Variants in OGDHL observed in about 807,000 individuals in gnomAD.
OGDHL encodes 2-oxoglutarate dehydrogenase-like, mitochondrial.
OGDHL carries 79 observed loss-of-function variants against 109.6 expected under a neutral mutation model. The ratio of observed to expected loss-of-function variants is 0.72; its 90% CI spans 0.60 to 0.87. The LOEUF (loss-of-function observed/expected upper bound fraction) is 0.87. Among genes scored for constraint, OGDHL ranks in the 40% least tolerant of loss-of-function variants. The pLI is 0.00. For missense variants in OGDHL, 1,275 were observed against 1,362.2 expected (o/e 0.94, Z 1.01); for synonymous variants, 528 against 537.2 (o/e 0.98, Z 0.24).
intron 15 of OGDHL, 72 bp from the exon 16 acceptor site, chr10:49,740,909 C>G (rs1841605800): frequency 1.3e-6 from 2 of 1,588,918 alleles, no homozygotes; most frequent in Non-Finnish European, 1.7e-6. Context: ...AGCAGGGGAG[C>G]TGGGCAGCAG....
At chr10:49,758,350 C>G in intron 2 of OGDHL, 39 bp downstream of exon 2, 1 of 1,571,622 alleles carries the variant, frequency 6.4e-7, no homozygotes, top group Non-Finnish European at 8.7e-7. Context: ...GAGGGCTTCC[C>G]TCCCTTGCGG....
In OGDHL at chr10:49,734,945, A is replaced by AC. The variant is rs2132921429; in HGVS notation, c.*282dup. 1 of 258,306 alleles carries AC rather than the reference A, an allele frequency of 3.9e-6. No individual in the cohort carries two copies. Among genetic ancestry groups the AC allele is most frequent in the East Asian group, 8.1e-5 (1 of 12,344 alleles). 16.0% of individuals were successfully genotyped at this position (258,306 alleles called of 1,614,324 possible). ...GGCCCCCGGGTGTCTGTCTTGAGATACAGGTGGAGAAGCCGCCCAAGAAAT... is the reference window on the plus strand; with the variant it reads ...GGCCCCCGGGTGTCTGTCTTGAGATACCAGGTGGAGAAGCCGCCCAAGAAAT... On this transcript the variant is annotated 3_prime_UTR_variant, in exon 23 of 23. Coordinates refer to ENST00000374103, the MANE Select transcript of OGDHL (RefSeq NM_018245.3).
At chr10:49,739,917 A>T (rs749136028) in intron 16 of OGDHL, 78 bp from the exon 17 acceptor site, 4 of 1,447,758 alleles carry the variant, frequency 2.8e-6, no homozygotes, top group Non-Finnish European at 2.8e-6. Context: ...AGCCTTTCTC[A>T]GTATATCCTC....
chr10:49,744,045 T>A lies in OGDHL; in HGVS notation c.1810A>T (p.Ile604Phe). The A allele has an allele frequency of 6.2e-7, 1 of 1,614,108 alleles. No homozygotes were observed. Among genetic ancestry groups the A allele is most frequent in the Non-Finnish European group, 8.5e-7 (1 of 1,179,972 alleles). The change falls in exon 14 of 23, where the codon ATC (isoleucine) becomes TTC (phenylalanine). Residue 604 changes from isoleucine (I) to phenylalanine (F), a missense_variant. By Grantham distance (21) the Ile-to-Phe change is conservative (BLOSUM62 0). Transcript: ENST00000374103. ...TGIPEDMLTH[I>F]GSVASSVPLE... Reference sequence around the variant, plus strand: ...GGCACAGAGCTGGCCACACTGCCGATGTGGGTGAGCATGTCCTCAGGGATC... The same window carrying A: ...GGCACAGAGCTGGCCACACTGCCGAAGTGGGTGAGCATGTCCTCAGGGATC...
chr10:49,756,849 A>C lies in OGDHL; in HGVS notation c.302T>G (p.Val101Gly), dbSNP rs761723504. 4.3e-6 allele frequency: 7 copies of C among 1,614,058 alleles called. No individual in the cohort carries two copies. The highest frequency in any genetic ancestry group is 1.3e-5 in the African/African-American group (1 of 75,050). Residue 101 changes from valine to glycine, a missense_variant, in exon 3 of 23, where the codon GTC (valine) becomes GGC (glycine). By Grantham distance (109) the Val-to-Gly change is moderately radical. Transcript: ENST00000374103. ...TTTGCTGGTCTTGGTCCGACTTGAG[A>C]CTGCAGACCTGCTCTCATGGACAAC... ...PSVVHESRSAVSSRTKTSKLV... is the reference protein window; with the variant it reads ...PSVVHESRSAGSSRTKTSKLV...
At position 49,735,408 on chromosome 10, in the gene OGDHL, T is replaced by C. The variant is rs1278615770; in HGVS notation, c.2910-57A>G. ...CGGGGCCTAGCCGCCCCCCAACCGC[T>C]GCCCTCACTCCGGGACTGCAGGGGG... is the stretch of plus-strand genomic sequence containing the variant. On this transcript the variant is annotated intron_variant, in intron 22 of 22. Transcript: ENST00000374103. The C allele has an allele frequency of 1.4e-5, 22 of 1,587,710 alleles. No homozygotes were observed. The South Asian group carries it at 2.6e-4, about 18-fold the overall frequency.
At chr10:49,751,525 A>G (rs1842587292) in intron 6 of OGDHL, among the ~76,000 whole-genome samples, 1 of 152,170 alleles carries the variant, frequency 6.6e-6, no homozygotes, top group South Asian at 2.1e-4. Flanking sequence ...CACACCAGGG[A>G]TAATTTTCTG....
chr10:49,739,533 C>T, intron 17 of OGDHL, 128 bp downstream of exon 17: 3 of 1,168,598 alleles, frequency 2.6e-6, no homozygotes, highest in South Asian at 1.6e-5. Flanking sequence ...CCACCCTGCA[C>T]AGACCCACGT....
intron 10 of OGDHL, among the ~76,000 whole-genome samples, chr10:49,746,233 A>T (rs1327209693): frequency 6.6e-6 from 1 of 152,214 alleles, no homozygotes; most frequent in Non-Finnish European, 1.5e-5. Context: ...AGTGAGGAAC[A>T]TAGGCCTGGA....
chr10:49,754,476 C>G (rs1007295475), intron 3 of OGDHL, among the ~76,000 whole-genome samples: 3 of 152,184 alleles, frequency 2.0e-5, no homozygotes, highest in Admixed American at 1.3e-4. Flanking sequence ...CTTTCCTACA[C>G]AATCTGCACC....
chr10:49,747,202 C>G lies in OGDHL; in HGVS notation c.994G>C (p.Gly332Arg). 6.2e-7 allele frequency: 1 copy of G among 1,613,890 alleles called. No individual in the cohort carries two copies. Among genetic ancestry groups the G allele is most frequent in the African/African-American group, 1.3e-5 (1 of 75,056 alleles). ...ATGCCCAGGTGGTACTTGACATCCC[C>G]GGAGCCCTGAAGGTGGAGATGGGAA... ...PKLEAADEGSGDVKYHLGMYH... is the reference protein window; with the variant it reads ...PKLEAADEGSRDVKYHLGMYH... The change falls in exon 9 of 23, where the codon GGG (glycine) becomes CGG (arginine). Residue 332 changes from glycine to arginine, a missense_variant. Gly to Arg is a moderately radical substitution (Grantham distance 125, BLOSUM62 -2). Coordinates refer to ENST00000374103, the MANE Select transcript of OGDHL (RefSeq NM_018245.3).
intron 1 of OGDHL, among the ~76,000 whole-genome samples, chr10:49,759,984 T>C (rs1843169109): frequency 6.6e-6 from 1 of 152,122 alleles, no homozygotes; most frequent in Non-Finnish European, 1.5e-5. Context: ...ACCCCTGCCA[T>C]CAGCTCAACC....
At chr10:49,751,510 C>A (rs1842586158) in intron 6 of OGDHL, among the ~76,000 whole-genome samples, 1 of 152,200 alleles carries the variant, frequency 6.6e-6, no homozygotes, top group Non-Finnish European at 1.5e-5. Flanking sequence ...TGGCCACAGT[C>A]ACTCCACACC....
Position 49,745,594 on chromosome 10 carries a change from T to C in OGDHL, c.1477-98A>G, listed in dbSNP as rs1842121283. The C allele has an allele frequency of 5.5e-6, 8 of 1,467,830 alleles. No homozygotes were observed. The South Asian group carries it at 6.1e-5, about 11-fold the overall frequency. 90.9% of individuals were successfully genotyped at this position (1,467,830 alleles called of 1,614,324 possible). On this transcript the variant is annotated intron_variant, in intron 11 of 22. Coordinates refer to ENST00000374103, the MANE Select transcript of OGDHL (RefSeq NM_018245.3). ...GAATATCTGGGTAGGGCACACCCAC[T>C]GGGAGCCCTTTGAGCTCCACTATCA...
rs750055656 is a variant in OGDHL, at chr10:49,736,027, T to C, written c.2905A>G (p.Ile969Val). 6.3e-7 allele frequency: 1 copy of C among 1,578,522 alleles called. No homozygotes were observed. The highest frequency in any genetic ancestry group is 8.6e-7 in the Non-Finnish European group (1 of 1,163,560). Residue 969 changes from isoleucine to valine, a missense_variant, in exon 22 of 23, where the codon ATA becomes GTA. Transcript: ENST00000374103. ...ATCAGCGGCCCCACCATGTACCATA[T>C]GGGCCGTGCGCGCCTCAGGATGGTC... is the stretch of plus-strand genomic sequence containing the variant. Reference protein sequence around the residue: ...FMTILRRARPIWYVGRDPAAA... With the variant: ...FMTILRRARPVWYVGRDPAAA...
At chr10:49,738,418 G>T in intron 17 of OGDHL, 156 bp from the exon 18 acceptor site, 1 of 689,544 alleles carries the variant, frequency 1.5e-6, no homozygotes, top group South Asian at 1.8e-5. Flanking sequence ...CAAGAATGTG[G>T]AACAAGAGCA....
rs769391048 is a variant in OGDHL, at chr10:49,738,156, C to T, written c.2391+35G>A. On this transcript the variant is annotated intron_variant, in intron 18 of 22. Coordinates refer to ENST00000374103, the MANE Select transcript of OGDHL (RefSeq NM_018245.3). ...CCCTAGCCCTGTGGGCACAATAGGG[C>T]GCGTCCCTGTCCTGGGGACAGCAGC... 34 of 1,613,942 alleles carry T rather than the reference C, an allele frequency of 2.1e-5. No homozygotes were observed. The Admixed American group carries it at 3.3e-4, about 16-fold the overall frequency.
chr10:49,751,974 T>G lies in OGDHL; in HGVS notation c.602A>C (p.Tyr201Ser). ...GAACTCCAGGCCAATGTGCTGGCAG[T>G]AGGTGTTCTGGGGAGACACATTGGG... ...REIIRRLENT[Y>S]CQHIGLEFMF... The change falls in exon 6 of 23, where the codon TAC becomes TCC. Residue 201 changes from tyrosine to serine, a missense_variant. Transcript: ENST00000374103. The G allele has an allele frequency of 6.2e-7, 1 of 1,614,098 alleles. No individual in the cohort carries two copies.
intron 21 of OGDHL, 43 bp from the exon 22 acceptor site, chr10:49,736,220 G>T: frequency 6.4e-7 from 1 of 1,570,302 alleles, no homozygotes; most frequent in Non-Finnish European, 8.6e-7. Flanking sequence ...AGGAGGGGCG[G>T]TATGTCCCCA....
Sources: allele counts gnomAD v4.1 joint callset (sites outside exome capture counted in the v4.1 genomes callset), GRCh38; gene constraint gnomAD v4.1.1; transcripts MANE v1.5; gene names NCBI Gene and HGNC (gene_info 2026-07-23, HGNC 2026-07-21).